Variants in ANKS1B observed in about 807,000 individuals in gnomAD.
ANKS1B encodes the protein ankyrin repeat and sterile alpha motif domain-containing protein 1B.
A neutral mutation model predicts 148.3 loss-of-function variants in ANKS1B; 36 were observed. The ratio of observed to expected loss-of-function variants is 0.24; its 90% CI spans 0.19 to 0.32. The LOEUF is 0.32. Ranked by LOEUF, ANKS1B falls within the 10% of genes least tolerant of loss-of-function variation. The pLI, the probability that ANKS1B is intolerant of heterozygous loss-of-function variation, is 1.00. For missense variants in ANKS1B, 1,157 were observed against 1,542.6 expected (o/e 0.75, Z 4.19); for synonymous variants, 542 against 560.8 (o/e 0.97, Z 0.47).
At chr12:98,994,198 A>G (rs989860244) in intron 17 of ANKS1B, among the ~76,000 whole-genome samples, 2 of 152,206 alleles carry the variant, frequency 1.3e-5, no homozygotes, top group Admixed American at 1.3e-4. Context: ...TGAGGTTTAA[A>G]AACTTCCCCT....
At chr12:98,761,389 G>A (rs183638549) in intron 25 of ANKS1B, among the ~76,000 whole-genome samples, 4 of 152,180 alleles carry the variant, frequency 2.6e-5, no homozygotes, top group African/African-American at 7.2e-5. Flanking sequence ...AAGGGAAGGG[G>A]TATACTTTTC....
chr12:99,694,693 G>T (rs773320273), intron 8 of ANKS1B, among the ~76,000 whole-genome samples: 7 of 152,112 alleles, frequency 4.6e-5, no homozygotes, highest in Non-Finnish European at 8.8e-5. Flanking sequence ...GACTAAAATT[G>T]TAAAGAGTTA....
At chr12:99,937,515 T>A (rs984299716) in intron 1 of ANKS1B, among the ~76,000 whole-genome samples, 2 of 152,114 alleles carry the variant, frequency 1.3e-5, no homozygotes, top group African/African-American at 4.8e-5. Flanking sequence ...CAAAAGCCCT[T>A]GATAATTTTG....
chr12:99,492,611 G>A (rs1018045910), intron 10 of ANKS1B, among the ~76,000 whole-genome samples: 1 of 152,076 alleles, frequency 6.6e-6, no homozygotes, highest in Admixed American at 6.5e-5. Flanking sequence ...AGAAACTTCA[G>A]GCCAATATAC....
intron 14 of ANKS1B, among the ~76,000 whole-genome samples, chr12:99,240,786 C>T (rs1417977462): frequency 6.6e-6 from 1 of 152,154 alleles, no homozygotes; most frequent in African/African-American, 2.4e-5. Context: ...ACAACCTGCT[C>T]CTGAGTGACT....
chr12:99,918,279 G>A (rs2094234313), intron 1 of ANKS1B, among the ~76,000 whole-genome samples: 1 of 152,128 alleles, frequency 6.6e-6, no homozygotes, highest in Admixed American at 6.6e-5. Context: ...TAACCCACTT[G>A]GGAAATTTGT....
chr12:98,845,979 TACACAC>T (rs67641647), intron 17 of ANKS1B, among the ~76,000 whole-genome samples: 15 of 120,624 alleles, frequency 1.2e-4, no homozygotes, highest in South Asian at 2.4e-4. Flanking sequence ...TATATATATA[TACACAC>T]ACACACACAC....
chr12:99,066,140 A>T (rs747962903), intron 16 of ANKS1B, among the ~76,000 whole-genome samples: 8 of 151,822 alleles, frequency 5.3e-5, no homozygotes, highest in Non-Finnish European at 8.8e-5. Flanking sequence ...ACATGGTGAA[A>T]CTCTATCGCT....
intron 8 of ANKS1B, among the ~76,000 whole-genome samples, chr12:99,709,260 C>T (rs920377076): frequency 2.0e-5 from 3 of 152,098 alleles, no homozygotes; most frequent in Non-Finnish European, 4.4e-5. Context: ...ATGCTGTACT[C>T]ATGGAATGAT....
intron 14 of ANKS1B, among the ~76,000 whole-genome samples, chr12:99,182,247 C>T (rs374437653): frequency 1.2e-4 from 19 of 152,128 alleles, no homozygotes; most frequent in African/African-American, 1.9e-4. Context: ...ACCACCCCCA[C>T]GATTCAATCA....
At chr12:99,329,065 A>G (rs2087006742) in intron 12 of ANKS1B, among the ~76,000 whole-genome samples, 1 of 152,012 alleles carries the variant, frequency 6.6e-6, no homozygotes, top group African/African-American at 2.4e-5. Flanking sequence ...TAGAATCCAA[A>G]GAAAAATGAA....
intron 12 of ANKS1B, among the ~76,000 whole-genome samples, chr12:99,316,533 G>A (rs1266221218): frequency 6.6e-6 from 1 of 151,998 alleles, no homozygotes; most frequent in African/African-American, 2.4e-5. Context: ...ATTTTTTCTT[G>A]TAAATTTTTA....
chr12:99,649,452 T>C, intron 9 of ANKS1B: 1 of 1,400,022 alleles, frequency 7.1e-7, no homozygotes, highest in South Asian at 1.2e-5. Context: ...ACCCCTGCAG[T>C]CATAAAACCT....
chr12:99,915,273 T>C (rs1238663001), intron 1 of ANKS1B, among the ~76,000 whole-genome samples: 4 of 146,542 alleles, frequency 2.7e-5, no homozygotes, highest in African/African-American at 1.0e-4. Context: ...CACCTTCACA[T>C]TGGTGGGAAG....
At chr12:99,746,129 C>G (rs901969546) in intron 8 of ANKS1B, among the ~76,000 whole-genome samples, 11 of 152,152 alleles carry the variant, frequency 7.2e-5, no homozygotes, top group African/African-American at 2.7e-4. Flanking sequence ...GGCCGTGTAA[C>G]TCTCAGCTTA....
intron 12 of ANKS1B, among the ~76,000 whole-genome samples, chr12:99,265,108 C>G (rs2076312521): frequency 6.6e-6 from 1 of 152,136 alleles, no homozygotes; most frequent in South Asian, 2.1e-4. Context: ...ATTTTATTAA[C>G]TTAAATTTTA....
intron 12 of ANKS1B, among the ~76,000 whole-genome samples, chr12:99,370,037 G>A (rs938068785): frequency 4.6e-5 from 7 of 152,012 alleles, no homozygotes; most frequent in Admixed American, 2.6e-4. Context: ...GATGAGATAC[G>A]ATAGAACATA....
At chr12:99,123,659 A>G (rs756191739) in intron 15 of ANKS1B, among the ~76,000 whole-genome samples, 13 of 152,204 alleles carry the variant, frequency 8.5e-5, no homozygotes, top group Admixed American at 2.0e-4. Flanking sequence ...AATCACTGGT[A>G]TAAGTGCAAG....
At chr12:99,338,423 G>A (rs892726558) in intron 12 of ANKS1B, among the ~76,000 whole-genome samples, 1 of 152,126 alleles carries the variant, frequency 6.6e-6, no homozygotes, top group Admixed American at 6.6e-5. Flanking sequence ...TTTCAGGGCA[G>A]TGGGCTCCCC....
Sources: gnomAD v4.1 joint callset for allele counts (sites outside exome capture counted in the v4.1 genomes callset) on GRCh38, gnomAD v4.1.1 for gene constraint, MANE v1.5 for transcripts, NCBI Gene and HGNC (gene_info 2026-07-23, HGNC 2026-07-21) for gene names.